SRBD1: variants seen among roughly 807,000 people sequenced by gnomAD.
The protein encoded by SRBD1 is S1 RNA binding domain 1, also known as S1 RNA-binding domain-containing protein 1.
SRBD1 carries 88 observed loss-of-function variants against 115.3 expected under a neutral mutation model. That is an observed-to-expected ratio of 0.76 (90% confidence interval 0.64 to 0.91). The LOEUF (loss-of-function observed/expected upper bound fraction) is 0.91. SRBD1 is among the 40% of genes least tolerant of loss of function. The pLI, the probability that SRBD1 is intolerant of heterozygous loss-of-function variation, is 0.00. For synonymous variants in SRBD1, 509 were observed against 407.7 expected (o/e 1.25, Z -2.99); for missense variants, 1,385 against 1,177.4 (o/e 1.18, Z -2.58).
intron 9 of SRBD1, among the ~76,000 whole-genome samples, chr2:45,570,845 T>C (rs1558485608): frequency 6.6e-6 from 1 of 152,142 alleles, no homozygotes; most frequent in Non-Finnish European, 1.5e-5. Flanking sequence ...GGGCTTGTCT[T>C]TATTTCACAT....
intron 14 of SRBD1, among the ~76,000 whole-genome samples, chr2:45,519,122 A>G (rs894899285): frequency 6.6e-6 from 1 of 152,164 alleles, no homozygotes; most frequent in African/African-American, 2.4e-5. Context: ...TAATCAAATC[A>G]TATTTATAGC....
chr2:45,553,794 C>A, intron 10 of SRBD1, 64 bp from the exon 11 acceptor site: 6 of 1,071,664 alleles, frequency 5.6e-6, no homozygotes, highest in South Asian at 2.1e-5. Context: ...AAAAAGGCTC[C>A]CAAAAAGAAG....
intron 19 of SRBD1, among the ~76,000 whole-genome samples, chr2:45,393,772 A>C (rs555645909): frequency 1.3e-5 from 2 of 152,364 alleles, no homozygotes; most frequent in East Asian, 3.9e-4. Context: ...TCAATTAGGA[A>C]AACATTTTAT....
At chr2:45,399,363 G>A (rs1667232724) in intron 19 of SRBD1, among the ~76,000 whole-genome samples, 1 of 152,138 alleles carries the variant, frequency 6.6e-6, no homozygotes, top group Admixed American at 6.5e-5. Context: ...AGTAATGACA[G>A]TATAAAATAG....
At chr2:45,610,905 G>A (rs991480184) in intron 1 of SRBD1, among the ~76,000 whole-genome samples, 20 of 147,818 alleles carry the variant, frequency 1.4e-4, no homozygotes, top group African/African-American at 4.9e-4. Context: ...TCCAGCCTGG[G>A]CGACAGAGGG....
intron 16 of SRBD1, among the ~76,000 whole-genome samples, chr2:45,424,961 A>C (rs1203500261): frequency 1.3e-5 from 2 of 152,212 alleles, no homozygotes; most frequent in Non-Finnish European, 2.9e-5. Context: ...CACTAGCTTG[A>C]AGAAAAGCTA....
intron 6 of SRBD1, 78 bp from the exon 7 acceptor site, chr2:45,580,091 C>T (rs111726819): frequency 6.5e-6 from 8 of 1,224,816 alleles, no homozygotes; most frequent in Non-Finnish European, 8.7e-6. Flanking sequence ...AATTAGAGGA[C>T]ATGCTGAGAA....
chr2:45,546,930 T>C (rs775582363), intron 13 of SRBD1, 91 bp from the exon 14 acceptor site: 16 of 1,199,934 alleles, frequency 1.3e-5, no homozygotes, highest in South Asian at 2.5e-5. Flanking sequence ...AATACTATTA[T>C]ATGATTCTCT....
chr2:45,517,697 T>C (rs981239283), intron 14 of SRBD1, among the ~76,000 whole-genome samples: 9 of 152,204 alleles, frequency 5.9e-5, no homozygotes, highest in African/African-American at 2.2e-4. Context: ...TAACAATTTA[T>C]GTCTAGATAA....
chr2:45,395,688 A>C (rs1049096568), intron 19 of SRBD1, among the ~76,000 whole-genome samples: 1 of 152,200 alleles, frequency 6.6e-6, no homozygotes, highest in Admixed American at 6.5e-5. Context: ...ACACACACAC[A>C]AAGAGCCAAC....
chr2:45,609,105 C>A (rs1417675165), intron 1 of SRBD1, among the ~76,000 whole-genome samples: 1 of 152,110 alleles, frequency 6.6e-6, no homozygotes, highest in Non-Finnish European at 1.5e-5. Context: ...TGGCGCCTGG[C>A]CAGAAAATTC....
chr2:45,597,619 G>A (rs181864517), intron 4 of SRBD1, among the ~76,000 whole-genome samples: 1 of 152,268 alleles, frequency 6.6e-6, no homozygotes, highest in East Asian at 1.9e-4. Context: ...ACCAGATAGA[G>A]AGAAAACTAA....
chr2:45,505,612 T>C (rs1670774083), intron 14 of SRBD1, among the ~76,000 whole-genome samples: 1 of 152,208 alleles, frequency 6.6e-6, no homozygotes, highest in Admixed American at 6.5e-5. Context: ...CAAGATCCTT[T>C]TCAGTTATTC....
intron 14 of SRBD1, 104 bp from the exon 15 acceptor site, chr2:45,488,435 G>A (rs913873577): frequency 6.2e-6 from 5 of 806,676 alleles, no homozygotes; most frequent in African/African-American, 5.2e-5. Context: ...AAAATAACAG[G>A]GCAAACTGTT....
At chr2:45,562,111 A>C (rs1266901402) in intron 10 of SRBD1, among the ~76,000 whole-genome samples, 1 of 152,184 alleles carries the variant, frequency 6.6e-6, no homozygotes, top group Admixed American at 6.5e-5. Flanking sequence ...AAAATTCCTC[A>C]CACACCCTCC....
chr2:45,469,540 A>C (rs528530251), intron 16 of SRBD1, among the ~76,000 whole-genome samples: 1 of 152,310 alleles, frequency 6.6e-6, no homozygotes, highest in African/African-American at 2.4e-5. Context: ...ATGGTGTTAC[A>C]CTAGGTTATG....
intron 14 of SRBD1, among the ~76,000 whole-genome samples, chr2:45,525,954 C>T (rs897474591): frequency 1.3e-5 from 2 of 151,934 alleles, no homozygotes; most frequent in African/African-American, 4.8e-5. Context: ...TGGTTAAACC[C>T]AAAAAGTCAG....
chr2:45,505,430 A>C (rs1311188327), intron 14 of SRBD1, among the ~76,000 whole-genome samples: 2 of 152,160 alleles, frequency 1.3e-5, no homozygotes, highest in Non-Finnish European at 2.9e-5. Context: ...GCCAAGGATT[A>C]GCTGCCCAGA....
At chr2:45,564,667 A>G (rs1174196233) in intron 9 of SRBD1, among the ~76,000 whole-genome samples, 4 of 152,332 alleles carry the variant, frequency 2.6e-5, no homozygotes, top group South Asian at 4.1e-4. Context: ...TAAAATACTT[A>G]GGAATAAATT....
Sources: gnomAD v4.1 joint callset for allele counts (sites outside exome capture counted in the v4.1 genomes callset) on GRCh38, gnomAD v4.1.1 for gene constraint, MANE v1.5 for transcripts, NCBI Gene and HGNC (gene_info 2026-07-23, HGNC 2026-07-21) for gene names.